Variants in NFATC4 observed in about 807,000 individuals in gnomAD.
The protein encoded by NFATC4 is nuclear factor of activated T-cells, cytoplasmic 4.
NFATC4 carries 25 observed loss-of-function variants against 73.4 expected under a neutral mutation model. The observed-to-expected ratio is 0.34, with a 90% confidence interval of 0.25 to 0.48. The LOEUF is 0.48. Among genes scored for constraint, NFATC4 ranks in the 20% least tolerant of loss-of-function variants. The pLI is 0.99. For missense variants in NFATC4, 1,130 were observed against 1,203.7 expected (o/e 0.94, Z 0.91); for synonymous variants, 523 against 510.3 (o/e 1.02, Z -0.34).
intron 6 of NFATC4, 146 bp downstream of exon 6, chr14:24,374,612 T>G: frequency 1.4e-6 from 1 of 729,730 alleles, no homozygotes; most frequent in Non-Finnish European, 2.2e-6. Context: ...CTTTCTATTA[T>G]ACTGTCTGCT....
intron 2 of NFATC4, among the ~76,000 whole-genome samples, chr14:24,371,282 T>C (rs749305252): frequency 2.0e-5 from 3 of 152,324 alleles, no homozygotes; most frequent in Admixed American, 6.5e-5. Flanking sequence ...GGGTTTCCCA[T>C]AGGGCAAAGT....
Position 24,370,350 on chromosome 14 carries a change from G to A in NFATC4, c.952G>A (p.Val318Met). The A allele has an allele frequency of 1.9e-6, 3 of 1,613,750 alleles. No homozygotes were observed. Among genetic ancestry groups the A allele is most frequent in the Non-Finnish European group, 2.5e-6 (3 of 1,179,934 alleles). The change falls in exon 2 of 10, where the codon GTG (valine) becomes ATG (methionine). Residue 318 changes from valine to methionine, a missense_variant. Around this residue, in one of 3 missense-constraint regions of NFATC4, gnomAD observed 585 missense variants for 574.3 expected, o/e 1.02. Transcript: ENST00000250373. Reference sequence around the variant, plus strand: ...GGGCTCCCCTGGTCCCTTTGACTATGTGGGGGCCCCACCAGCTGAGAGCAT... The same window carrying A: ...GGGCTCCCCTGGTCCCTTTGACTATATGGGGGCCCCACCAGCTGAGAGCAT... ...DPGSPGPFDYVGAPPAESIPQ... is the reference protein window; with the variant it reads ...DPGSPGPFDYMGAPPAESIPQ...
chr14:24,372,773 C>T lies in NFATC4; in HGVS notation c.1359+170C>T. The T allele has an allele frequency of 4.0e-6, 3 of 744,972 alleles. No individual in the cohort carries two copies. In the South Asian group the frequency reaches 5.0e-5, roughly 13 times the overall value. 46.1% of individuals were successfully genotyped at this position (744,972 alleles called of 1,614,324 possible). A position where few individuals can be genotyped will look rare whatever the true frequency, so the allele number is the denominator to read the frequency against. Reference sequence around the variant, plus strand: ...GGAGGGGTGCAAGGACCCGGATATACTTTCTACTCCTGTCCTTCCACCCCC... The same window carrying T: ...GGAGGGGTGCAAGGACCCGGATATATTTTCTACTCCTGTCCTTCCACCCCC... On this transcript the variant is annotated intron_variant, in intron 3 of 9. Coordinates refer to ENST00000250373, the MANE Select transcript of NFATC4 (RefSeq NM_004554.5).
chr14:24,372,754 G>A, intron 3 of NFATC4, 151 bp downstream of exon 3: 1 of 934,672 alleles, frequency 1.1e-6, no homozygotes. Context: ...GGGAGGAGGG[G>A]TGCAAGGACC....
chr14:24,374,260 G>A (rs2042553129), intron 5 of NFATC4, 66 bp from the exon 6 acceptor site: 3 of 1,546,154 alleles, frequency 1.9e-6, no homozygotes, highest in South Asian at 2.5e-5. Flanking sequence ...CAAAGAGGGT[G>A]GGGACAGAGG....
rs11627863 is a variant in NFATC4, at chr14:24,377,800, G to A, written c.*95G>A. 5.8e-3 allele frequency: 9,265 copies of A among 1,595,442 alleles called. 46 individuals are homozygous for A. Among genetic ancestry groups the A allele is most frequent in the Non-Finnish European group, 7.4e-3 (8,600 of 1,169,870 alleles). ...GGAGTGGTGGCTACAGAAGCTTGGG[G>A]CCAACCCTGGCTCCTCTTTCCCCAG... On this transcript the variant is annotated 3_prime_UTR_variant, in exon 10 of 10. Coordinates refer to ENST00000250373, the MANE Select transcript of NFATC4 (RefSeq NM_004554.5). This position sits in a 1 kb window ranked among gnomAD's most constrained non-coding sequence, Gnocchi z 4.2.
At position 24,370,161 on chromosome 14, in the gene NFATC4, C is replaced by T; in HGVS notation, c.763C>T (p.Pro255Ser). The T allele has an allele frequency of 1.2e-6, 2 of 1,603,882 alleles. No individual in the cohort carries two copies. The highest frequency in any genetic ancestry group is 1.7e-6 in the Non-Finnish European group (2 of 1,179,668). The change falls in exon 2 of 10, where the codon CCC becomes TCC. Residue 255 changes from proline to serine, a missense_variant. Coordinates refer to ENST00000250373, the MANE Select transcript of NFATC4 (RefSeq NM_004554.5). ...CTGGCTACTCCTCAGTGCTCCTGGG[C>T]CCACCCCAGCCTCCCCGCGGCCTGC... ...DSWLLLSAPG[P>S]TPASPRPASP...
Position 24,376,533 on chromosome 14 carries a change from C to G in NFATC4, c.2296C>G (p.Pro766Ala). ...CTACAGACCGGGCCTGCGGATGTTC[C>G]CTGAGACTAGGGGTACCACAGGTTG... ...PSYRPGLRMF[P>A]ETRGTTGCAQ... Residue 766 changes from proline (P) to alanine (A), a missense_variant, in exon 9 of 10, where the codon CCT becomes GCT. Coordinates refer to ENST00000250373, the MANE Select transcript of NFATC4 (RefSeq NM_004554.5). The surrounding 1 kb of genome is among the most constrained non-coding windows in gnomAD (Gnocchi z 5.0). The G allele has an allele frequency of 6.2e-7, 1 of 1,614,016 alleles. No homozygotes were observed. The highest frequency in any genetic ancestry group is 1.1e-5 in the South Asian group (1 of 91,068).
rs779292099 is a variant in NFATC4 at position 24,369,700 on chromosome 14, G to C, written c.302G>C (p.Gly101Ala). The C allele has an allele frequency of 1.2e-6, 2 of 1,609,448 alleles. No individual in the cohort carries two copies. Among genetic ancestry groups the C allele is most frequent in the African/African-American group, 2.7e-5 (2 of 74,824 alleles). ...GTGAGGCTGGGAGGACCAGGAGGGG[G>C]TGCTGGGGGTGCTGGGGGTGGCCGT... ...RSVRLGGPGGGAGGAGGGRVL... is the reference protein window; with the variant it reads ...RSVRLGGPGGAAGGAGGGRVL... Residue 101 changes from glycine to alanine, a missense_variant, in exon 2 of 10, where the codon GGT becomes GCT. Coordinates refer to ENST00000250373, the MANE Select transcript of NFATC4 (RefSeq NM_004554.5).
At chr14:24,371,082 T>C (rs1487152180) in intron 2 of NFATC4, among the ~76,000 whole-genome samples, 1 of 152,220 alleles carries the variant, frequency 6.6e-6, no homozygotes, top group Admixed American at 6.5e-5. Flanking sequence ...CTTAAAAGTA[T>C]AGCTGCTAAC....
At chr14:24,375,748 C>T (rs371040953) in intron 7 of NFATC4, 33 bp downstream of exon 7, 95 of 412,976 alleles carry the variant, frequency 2.3e-4, no homozygotes, top group East Asian at 1.2e-3. Flanking sequence ...TCCTGGGGGG[C>T]GGGGGTGGGA....
rs182810215 is a variant in NFATC4, at chr14:24,377,520, G to A, written c.2642-118G>A. 1 of 1,534,348 alleles carries A rather than the reference G, an allele frequency of 6.5e-7. No individual in the cohort carries two copies. The highest frequency in any genetic ancestry group is 2.3e-5 in the East Asian group (1 of 42,624). On this transcript the variant is annotated intron_variant, in intron 9 of 9. Transcript: ENST00000250373. The surrounding 1 kb of genome is among the most constrained non-coding windows in gnomAD (Gnocchi z 4.2). ...AGGCCCAGTGGAATAGAAGCCAGTA[G>A]AGGAGGAATCTAGAGGCCTCCTAGA...
chr14:24,369,215 A>T, intron 1 of NFATC4: 3 of 1,531,480 alleles, frequency 2.0e-6, no homozygotes, highest in Non-Finnish European at 2.6e-6. Flanking sequence ...GCCCAGCCCC[A>T]GCTCCAGCCC....
In NFATC4 at chr14:24,373,978, G is replaced by A; in HGVS notation, c.1732+111G>A. The A allele has an allele frequency of 6.9e-7, 1 of 1,453,956 alleles. No individual in the cohort carries two copies. The highest frequency in any genetic ancestry group is 2.4e-5 in the East Asian group (1 of 40,830). The allele number at this position is 1,453,956 out of a possible 1,614,324, so 90.1% of individuals were successfully genotyped here. On this transcript the variant is annotated intron_variant, in intron 5 of 9. Coordinates refer to ENST00000250373, the MANE Select transcript of NFATC4 (RefSeq NM_004554.5). The surrounding 1 kb of genome is among the most constrained non-coding windows in gnomAD (Gnocchi z 4.7). ...AGCGTCCTGTGCCCTGTCTGTCCTG[G>A]GTAGCTCTATAGAGGACTCAGCTTC...
At position 24,369,841 on chromosome 14, in the gene NFATC4, C is replaced by T. The variant is rs775138757; in HGVS notation, c.443C>T (p.Pro148Leu). Residue 148 changes from proline to leucine, a missense_variant, in exon 2 of 10, where the codon CCA (proline) becomes CTA (leucine). Coordinates refer to ENST00000250373, the MANE Select transcript of NFATC4 (RefSeq NM_004554.5). Reference protein sequence around the residue: ...WGDGSPRDYPPPEGFGGYREA... With the variant: ...WGDGSPRDYPLPEGFGGYREA... ...GACGGCTCTCCTAGAGATTACCCCC[C>T]ACCAGAAGGCTTTGGGGGCTACAGA... The T allele has an allele frequency of 1.1e-5, 17 of 1,606,630 alleles. No individual in the cohort carries two copies. Among genetic ancestry groups the T allele is most frequent in the Non-Finnish European group, 1.3e-5 (15 of 1,176,974 alleles).
rs1360388036 is a variant in NFATC4, at chr14:24,369,773, G to A, written c.375G>A (p.Pro125=). The A allele has an allele frequency of 1.3e-6, 2 of 1,596,794 alleles. No homozygotes were observed. The highest frequency in any genetic ancestry group is 1.3e-5 in the African/African-American group (1 of 74,616). ...GCATCACCTCCATCTCTCCCACGCC[G>A]GAGCCGCCAGCAGCGCTGGAGGACA... ...SIRITSISPT[P]EPPAALEDNP... The change falls in exon 2 of 10, where the codon CCG becomes CCA. Residue 125 remains proline, a synonymous_variant. Coordinates refer to ENST00000250373, the MANE Select transcript of NFATC4 (RefSeq NM_004554.5).
intron 2 of NFATC4, among the ~76,000 whole-genome samples, chr14:24,371,453 A>G (rs1487251508): frequency 6.6e-6 from 1 of 152,194 alleles, no homozygotes; most frequent in African/African-American, 2.4e-5. Flanking sequence ...GAAAACCAAA[A>G]ATGTCTTCAG....
chr14:24,366,932 G>T (rs1468719582), upstream of NFATC4: 10 of 1,533,640 alleles, frequency 6.5e-6, no homozygotes, highest in African/African-American at 1.1e-4. Context: ...ACCTGGGGCC[G>T]TCGCTTAACC....
At chr14:24,367,918 C>T (rs2042348946), upstream of NFATC4, 3 of 1,277,370 alleles carry the variant, frequency 2.3e-6, no homozygotes, top group South Asian at 2.7e-5. Flanking sequence ...GGGCTCTCTG[C>T]GGGAAATGAT....
Sources: gnomAD v4.1 joint callset for allele counts (sites outside exome capture counted in the v4.1 genomes callset) on GRCh38, gnomAD v4.1.1 for gene constraint, gnomAD v4.1.1 regional missense constraint, Gnocchi (gnomAD v3.1) non-coding constraint, MANE v1.5 for transcripts, NCBI Gene and HGNC (gene_info 2026-07-23, HGNC 2026-07-21) for gene names.